EYA4: variants seen among roughly 807,000 people sequenced by gnomAD.
EYA4 encodes the protein EYA transcriptional coactivator and phosphatase 4.
In EYA4, 31 loss-of-function variants were observed where a neutral mutation model predicts 87.9. The observed-to-expected ratio is 0.35, with a 90% CI of 0.27 to 0.48. The LOEUF (loss-of-function observed/expected upper bound fraction) is 0.48, where lower values mean the gene tolerates loss of function less well. EYA4 is among the 20% of genes least tolerant of loss of function. The pLI, the probability that EYA4 is intolerant of heterozygous loss-of-function variation, is 0.99. For missense variants in EYA4, 678 were observed against 761.4 expected, an observed-to-expected ratio of 0.89 and a Z score of 1.29; for synonymous variants, 263 against 270.6, an observed-to-expected ratio of 0.97 and a Z score of 0.28.
At chr6:133,481,372 T>C in intron 11 of EYA4, 91 bp from the exon 12 acceptor site, 1 of 1,262,258 alleles carries the variant, frequency 7.9e-7, no homozygotes, top group Admixed American at 1.7e-5. Flanking sequence ...GTTTCTATTG[T>C]ATAGGAATTT....
chr6:133,432,032 C>T (rs1483723809), intron 3 of EYA4, among the ~76,000 whole-genome samples: 1 of 148,966 alleles, frequency 6.7e-6, no homozygotes, highest in Non-Finnish European at 1.5e-5. Flanking sequence ...CATTTGCAAA[C>T]CACCAGTCAT....
At chr6:133,273,849 T>G (rs2128266199) in intron 1 of EYA4, among the ~76,000 whole-genome samples, 1 of 152,226 alleles carries the variant, frequency 6.6e-6, no homozygotes. Context: ...TTGTGTTTGG[T>G]ATTTGCACAG....
In EYA4 at chr6:133,420,931, G is replaced by A. The variant is rs551501765; in HGVS notation, c.84-25699G>A. ...CTGCTGCACACTGTATACAGAATAG[G>A]GTACTGTTTAACAGCCTTTTATCTG... On this transcript the variant is annotated intron_variant, in intron 3 of 19. Transcript: ENST00000355286. Among the ~76,000 whole-genome samples, 4 of 152,246 alleles carry A rather than the reference G, an allele frequency of 2.6e-5. No homozygotes were observed. In the East Asian group the frequency reaches 7.7e-4, roughly 29 times the overall value.
intron 2 of EYA4, among the ~76,000 whole-genome samples, chr6:133,336,983 C>T (rs1364518993): frequency 6.6e-6 from 1 of 152,302 alleles, no homozygotes; most frequent in Non-Finnish European, 1.5e-5. Flanking sequence ...CCTTGGCTAA[C>T]TACAGCTGTT....
At chr6:133,417,082 T>C (rs1041944949) in intron 3 of EYA4, among the ~76,000 whole-genome samples, 2 of 152,182 alleles carry the variant, frequency 1.3e-5, no homozygotes, top group Non-Finnish European at 2.9e-5. Context: ...TGCAATGATG[T>C]TTTTGATGTG....
intron 3 of EYA4, among the ~76,000 whole-genome samples, chr6:133,434,481 G>A (rs536924586): frequency 2.0e-5 from 3 of 152,060 alleles, no homozygotes; most frequent in Admixed American, 1.3e-4. Flanking sequence ...ACTTTTTTTT[G>A]TGTGATCTTA....
intron 1 of EYA4, among the ~76,000 whole-genome samples, chr6:133,249,759 C>G (rs1351772411): frequency 1.3e-5 from 2 of 152,210 alleles, no homozygotes; most frequent in Non-Finnish European, 2.9e-5. Flanking sequence ...GTTAGCTCCT[C>G]TGATAAGTTC....
At position 133,461,268 on chromosome 6, in the gene EYA4, T is replaced by C. The variant is rs78727462; in HGVS notation, c.437+88T>C. ...GATGGTTGGATAATACTTGGATAGATTACATATATAGATAAATATCCTGTA... is the reference window on the plus strand; with the variant it reads ...GATGGTTGGATAATACTTGGATAGACTACATATATAGATAAATATCCTGTA... On this transcript the variant is annotated intron_variant, in intron 7 of 19. Transcript: ENST00000355286. 5,544 of 936,014 alleles carry C rather than the reference T, an allele frequency of 5.9e-3. 174 individuals carry two copies. The African/African-American group carries it at 0.079, about 13-fold the overall frequency. 58.0% of individuals were successfully genotyped at this position (936,014 alleles called of 1,614,324 possible). A position where few individuals can be genotyped will look rare whatever the true frequency, so the allele number is the denominator to read the frequency against.
At chr6:133,418,739 C>G (rs1424347211) in intron 3 of EYA4, among the ~76,000 whole-genome samples, 1 of 152,060 alleles carries the variant, frequency 6.6e-6, no homozygotes, top group Non-Finnish European at 1.5e-5. Context: ...GAACTAAGCA[C>G]AACTCTATAA....
intron 10 of EYA4, among the ~76,000 whole-genome samples, chr6:133,466,638 G>C (rs867630997): frequency 2.0e-5 from 3 of 152,038 alleles, no homozygotes; most frequent in Non-Finnish European, 2.9e-5. Context: ...TTTATATAAG[G>C]CTTCTCTATG....
intron 2 of EYA4, among the ~76,000 whole-genome samples, chr6:133,327,925 A>G (rs972340051): frequency 3.3e-5 from 5 of 152,184 alleles, no homozygotes; most frequent in African/African-American, 1.2e-4. Flanking sequence ...CTTAGAGACT[A>G]TAGAGTCGTC....
At chr6:133,254,511 A>G (rs1775183093) in intron 1 of EYA4, among the ~76,000 whole-genome samples, 1 of 152,200 alleles carries the variant, frequency 6.6e-6, no homozygotes, top group Admixed American at 6.5e-5. Flanking sequence ...TTCCATACAA[A>G]GATGAGCAAG....
At chr6:133,463,138 T>C (rs1794543561) in intron 9 of EYA4, among the ~76,000 whole-genome samples, 7 of 152,112 alleles carry the variant, frequency 4.6e-5, no homozygotes, top group Admixed American at 4.6e-4. Flanking sequence ...TAATGCTGTT[T>C]TGATTATACT....
intron 3 of EYA4, among the ~76,000 whole-genome samples, chr6:133,413,487 G>A (rs139224737): frequency 1.1e-4 from 17 of 149,912 alleles, no homozygotes; most frequent in Admixed American, 5.3e-4. Flanking sequence ...CACTATTGAC[G>A]TGTTAACTAC....
At chr6:133,291,233 A>G (rs1229803911) in intron 2 of EYA4, among the ~76,000 whole-genome samples, 1 of 152,224 alleles carries the variant, frequency 6.6e-6, no homozygotes, top group Non-Finnish European at 1.5e-5. Flanking sequence ...ATTAAACAAT[A>G]GACTTAAGTT....
chr6:133,411,641 ACT>A (rs1789248836), intron 3 of EYA4, among the ~76,000 whole-genome samples: 1 of 151,392 alleles, frequency 6.6e-6, no homozygotes, highest in Non-Finnish European at 1.5e-5. Context: ...CTTTTTAAAA[ACT>A]CTACATTATC....
chr6:133,436,534 C>T (rs1791700111), intron 3 of EYA4, among the ~76,000 whole-genome samples: 2 of 152,302 alleles, frequency 1.3e-5, no homozygotes, highest in South Asian at 2.1e-4. Flanking sequence ...GAAAACAATC[C>T]TACCCTGATG....
intron 13 of EYA4, among the ~76,000 whole-genome samples, chr6:133,491,439 A>C (rs1797143159): frequency 6.6e-6 from 1 of 152,198 alleles, no homozygotes; most frequent in Non-Finnish European, 1.5e-5. Flanking sequence ...AGAAGACTCA[A>C]ATAAGTAAAA....
At chr6:133,474,414 G>A (rs1350775181) in intron 11 of EYA4, among the ~76,000 whole-genome samples, 3 of 152,018 alleles carry the variant, frequency 2.0e-5, no homozygotes, top group Middle Eastern at 6.3e-3. Flanking sequence ...TAGATATTCT[G>A]AGTATGTGAC....
Sources: gnomAD v4.1 joint callset for allele counts (sites outside exome capture counted in the v4.1 genomes callset) on GRCh38, gnomAD v4.1.1 for gene constraint, MANE v1.5 for transcripts, NCBI Gene and HGNC (gene_info 2026-07-23, HGNC 2026-07-21) for gene names.